TRPA1: variants seen among roughly 807,000 people sequenced by gnomAD.
TRPA1 encodes ankyrin-like with transmembrane domains 1.
A neutral mutation model predicts 131.3 loss-of-function variants in TRPA1; 129 were observed. The observed-to-expected ratio is 0.98, with a 90% CI of 0.85 to 1.14. The LOEUF is 1.14. TRPA1 is among the 50% of genes most tolerant of loss of function. The pLI, the probability that TRPA1 is intolerant of heterozygous loss-of-function variation, is 0.00. For missense variants in TRPA1, 1,304 were observed against 1,354.2 expected (o/e 0.96, Z 0.58); for synonymous variants, 441 against 451.7 (o/e 0.98, Z 0.30).
chr8:72,070,265 T>G (rs773636852), intron 2 of TRPA1, among the ~76,000 whole-genome samples: 1 of 152,166 alleles, frequency 6.6e-6, no homozygotes, highest in African/African-American at 2.4e-5. Context: ...GTTTCTCTCC[T>G]TTTTAAAATG....
chr8:72,075,292 A>G lies in TRPA1; in HGVS notation c.111+7T>C. ...AACCCCTCCAGACCCGCGAGCCCCC[A>G]GAGTACCTTAAGCGATTCCTTGAAA... On this transcript the variant is annotated splice_region_variant and intron_variant, in intron 1 of 26. Coordinates refer to ENST00000262209, the MANE Select transcript of TRPA1 (RefSeq NM_007332.3). The G allele has an allele frequency of 5.6e-6, 9 of 1,609,308 alleles. No homozygotes were observed. The highest frequency in any genetic ancestry group is 6.0e-6 in the Non-Finnish European group (7 of 1,176,460).
chr8:72,075,581 C>T lies in TRPA1; in HGVS notation c.-172G>A. On this transcript the variant is annotated 5_prime_UTR_variant, in exon 1 of 27. Transcript: ENST00000262209. ...GCTCTGCGGAAGCCCTGGAGAACTT[C>T]TGGAAGGAGTTCTCAGGCCCGCGCT... 1.6e-6 allele frequency: 1 copy of T among 636,212 alleles called. No individual in the cohort carries two copies. The highest frequency in any genetic ancestry group is 2.8e-6 in the Non-Finnish European group (1 of 357,384). 39.4% of individuals were successfully genotyped at this position (636,212 alleles called of 1,614,324 possible).
At chr8:72,083,812 A>G in the TRPA1 span, among the ~76,000 whole-genome samples, 1 of 152,176 alleles carries the variant, frequency 6.6e-6, no homozygotes, top group Non-Finnish European at 1.5e-5. Flanking sequence ...AAACTGTAGA[A>G]TCTGTTTCCC....
At chr8:72,077,546 A>C (rs7357394), upstream of TRPA1, among the ~76,000 whole-genome samples, 32,797 of 152,220 alleles carry the variant, frequency 0.22, 3,603 homozygotes, top group Middle Eastern at 0.26. Flanking sequence ...TTCTGCTTAT[A>C]AAAGCAAATA....
At chr8:72,086,466 T>C in the TRPA1 span, among the ~76,000 whole-genome samples, 1 of 152,184 alleles carries the variant, frequency 6.6e-6, no homozygotes, top group Non-Finnish European at 1.5e-5. Context: ...AAAATTTCTT[T>C]TAGCTTTTAC....
At chr8:72,061,828 C>T (rs1585882670) in intron 6 of TRPA1, 67 bp from the exon 7 acceptor site, 13 of 1,526,802 alleles carry the variant, frequency 8.5e-6, no homozygotes, top group Non-Finnish European at 1.2e-5. Flanking sequence ...TTATATTCAG[C>T]TGTGAGCTTT....
intron 23 of TRPA1, among the ~76,000 whole-genome samples, chr8:72,030,692 T>C (rs912291395): frequency 6.6e-6 from 1 of 152,152 alleles, no homozygotes; most frequent in Non-Finnish European, 1.5e-5. Context: ...CTCCAGGAGT[T>C]TAGTAACTAA....
intron 2 of TRPA1, among the ~76,000 whole-genome samples, chr8:72,070,827 C>G (rs1411433472): frequency 1.3e-5 from 2 of 152,210 alleles, no homozygotes; most frequent in African/African-American, 2.4e-5. Context: ...CCCTTTCCTT[C>G]TACATTTCTG....
chr8:72,063,424 C>A, intron 5 of TRPA1, 39 bp downstream of exon 5: 1 of 1,404,922 alleles, frequency 7.1e-7, no homozygotes, highest in Non-Finnish European at 1.0e-6. Context: ...CCAAAATAGA[C>A]TTATTTATAG....
chr8:72,050,253 T>A (rs1805467061), intron 15 of TRPA1, among the ~76,000 whole-genome samples: 1 of 152,164 alleles, frequency 6.6e-6, no homozygotes, highest in African/African-American at 2.4e-5. Context: ...TTCATCCATG[T>A]TTTTAAATAG....
At chr8:72,053,901 A>C (rs149237993) in intron 12 of TRPA1, 34 bp from the exon 13 acceptor site, 1 of 1,516,100 alleles carries the variant, frequency 6.6e-7, no homozygotes, top group Non-Finnish European at 9.1e-7. Context: ...GTGTGCATAC[A>C]CTTAACAGAT....
rs201404905 is a variant in TRPA1 at position 72,023,094 on chromosome 8, G to T, written c.3172C>A (p.Leu1058Met). The stretch of plus-strand genomic sequence containing the variant: ...TTAATGAGCTCATGCTGTTTTTCCA[G>T]GAGAAAAGTAAGATCCTTCAGCCTA... Reference protein sequence around the residue: ...KYRLKDLTFLLEKQHELIKLI... With the variant: ...KYRLKDLTFLMEKQHELIKLI... The change falls in exon 27 of 27, where the codon CTG becomes ATG. Residue 1058 changes from leucine to methionine, a missense_variant. Leu to Met is a conservative substitution (Grantham distance 15). Coordinates refer to ENST00000262209, the MANE Select transcript of TRPA1 (RefSeq NM_007332.3). 53 of 1,613,124 alleles carry T rather than the reference G, an allele frequency of 3.3e-5. No homozygotes were observed. The highest frequency in any genetic ancestry group is 3.9e-5 in the Non-Finnish European group (46 of 1,179,718).
chr8:72,036,151 G>C (rs1393649246), intron 21 of TRPA1, 137 bp downstream of exon 21: 1 of 837,646 alleles, frequency 1.2e-6, no homozygotes, highest in East Asian at 2.7e-5. Context: ...TCCTTAATAG[G>C]GTATACAAAA....
chr8:72,046,513 G>T lies in TRPA1; in HGVS notation c.2061C>A (p.Asn687Lys). The T allele has an allele frequency of 6.5e-7, 1 of 1,545,536 alleles. No homozygotes were observed. Among genetic ancestry groups the T allele is most frequent in the Non-Finnish European group, 8.9e-7 (1 of 1,128,318 alleles). The change falls in exon 17 of 27, where the codon AAC becomes AAA. Residue 687 changes from asparagine (N) to lysine (K), a missense_variant and splice_region_variant. Asn to Lys is a moderately conservative substitution (Grantham distance 94). Transcript: ENST00000262209. ...DVIYEPLTALNAMVQNNRIEL... is the reference protein window; with the variant it reads ...DVIYEPLTALKAMVQNNRIEL... ...TAGATAATGAAAACATTGAACTTAC[G>T]TTGAGGGCTGTAAGCGGTTCATATA...
In TRPA1 at chr8:72,034,266, G is replaced by A. The variant is rs768806839; in HGVS notation, c.2667C>T (p.Tyr889=). The stretch of plus-strand genomic sequence containing the variant: ...GTCTTACCTGTAAATTCAGGAGGAT[G>A]TAAAAGCTGAGTCCAAAAGCCAGAA... ...FLLLAFGLSF[Y]ILLNLQDPFS... is the part of the protein sequence containing the mutation. Residue 889 remains tyrosine (Y), a synonymous_variant, in exon 22 of 27, where the codon TAC becomes TAT. Transcript: ENST00000262209. 1.7e-5 allele frequency: 27 copies of A among 1,608,228 alleles called. No homozygotes were observed. The highest frequency in any genetic ancestry group is 2.1e-5 in the Non-Finnish European group (25 of 1,177,934).
rs116249187 is a variant in TRPA1 at position 72,054,308 on chromosome 8, A to G, written c.1530-441T>C. ...GTCAATAGTTATTGGTAATACTACT[A>G]GTAATATGATACATGGCTATAAGAT... On this transcript the variant is annotated intron_variant, in intron 12 of 26. Coordinates refer to ENST00000262209, the MANE Select transcript of TRPA1 (RefSeq NM_007332.3). 2.5e-3 allele frequency: 531 copies of G among 214,626 alleles called. 5 individuals carry two copies. The highest frequency in any genetic ancestry group is 0.012 in the African/African-American group (494 of 42,582). 13.3% of individuals were successfully genotyped at this position (214,626 alleles called of 1,614,324 possible). A position where few individuals can be genotyped will look rare whatever the true frequency, so the allele number is the denominator to read the frequency against.
chr8:72,088,284 T>C, the TRPA1 span, among the ~76,000 whole-genome samples: 1 of 152,172 alleles, frequency 6.6e-6, no homozygotes, highest in Non-Finnish European at 1.5e-5. Flanking sequence ...ACTGTCTATC[T>C]TTCCAGAATC....
intron 20 of TRPA1, 44 bp from the exon 21 acceptor site, chr8:72,036,501 G>T: frequency 6.4e-7 from 1 of 1,552,928 alleles, no homozygotes; most frequent in Non-Finnish European, 8.9e-7. Flanking sequence ...TAGAGACCTA[G>T]CATCTATGGA....
In TRPA1 at chr8:72,053,861, G is replaced by A. The variant is rs755886534; in HGVS notation, c.1536C>T (p.His512=). The A allele has an allele frequency of 1.2e-6, 2 of 1,610,382 alleles. No individual in the cohort carries two copies. Among genetic ancestry groups the A allele is most frequent in the East Asian group, 4.5e-5 (2 of 44,840 alleles). The part of the protein sequence containing the change: ...LKKGALFLSD[H]NGWTALHHAS... The stretch of plus-strand genomic sequence containing the variant: ...CATGATGCAAAGCTGTCCAGCCATT[G>A]TGGTCACTGGTAAAGAGTTAAGAAA... Residue 512 remains histidine (H), a synonymous_variant, in exon 13 of 27, where the codon CAC becomes CAT. Coordinates refer to ENST00000262209, the MANE Select transcript of TRPA1 (RefSeq NM_007332.3).
Sources: allele counts gnomAD v4.1 joint callset (sites outside exome capture counted in the v4.1 genomes callset), GRCh38; gene constraint gnomAD v4.1.1; transcripts MANE v1.5; gene names NCBI Gene and HGNC (gene_info 2026-07-23, HGNC 2026-07-21).